Variants in HEPH observed in about 807,000 individuals in gnomAD.
HEPH encodes hephaestin.
Under a neutral mutation model 80.8 loss-of-function variants are expected in HEPH, and 69 were observed. The ratio of observed to expected loss-of-function variants is 0.85; its 90% CI spans 0.70 to 1.04. HEPH has a LOEUF of 1.04. Among genes scored for constraint, HEPH ranks in the 50% least tolerant of loss-of-function variants. HEPH has a pLI of 0.00. For missense variants in HEPH, 1,115 were observed against 891.3 expected (o/e 1.25, Z -3.20); for synonymous variants, 431 against 322.8 (o/e 1.34, Z -3.60).
chrX:66,266,756 C>T lies in HEPH; in HGVS notation c.*84C>T. 1 of 584,797 alleles carries T rather than the reference C, an allele frequency of 1.7e-6. No individual in the cohort carries two copies. The highest frequency in any genetic ancestry group is 2.8e-6 in the Non-Finnish European group (1 of 358,349). 48.2% of individuals were successfully genotyped at this position (584,797 alleles called of 1,213,427 possible). A position where few individuals can be genotyped will look rare whatever the true frequency, so the allele number is the denominator to read the frequency against. On this transcript the variant is annotated 3_prime_UTR_variant, in exon 21 of 21. Coordinates refer to ENST00000343002, the MANE Select transcript of HEPH (RefSeq NM_001367233.3). Reference sequence around the variant, plus strand: ...ATGGACTAGTCACTAACCCCACACTCAAAGGGGCATGGGTGGTGGAGAAGC... The same window carrying T: ...ATGGACTAGTCACTAACCCCACACTTAAAGGGGCATGGGTGGTGGAGAAGC...
At chrX:66,173,385 T>C (rs2086670440) in intron 3 of HEPH, among the ~76,000 whole-genome samples, 1 of 112,107 alleles carries the variant, frequency 8.9e-6, no homozygotes, top group South Asian at 3.7e-4. Flanking sequence ...CACCCATTGT[T>C]AATGTGAGGA....
At position 66,189,788 on chromosome X, in the gene HEPH, A is replaced by G. The variant is rs148747985; in HGVS notation, c.913A>G (p.Thr305Ala). Residue 305 changes from threonine to alanine, a missense_variant, in exon 6 of 21, where the codon ACA (threonine) becomes GCA (alanine). Around this residue, in one of 3 missense-constraint regions of HEPH, gnomAD observed 391 missense variants for 343.6 expected, o/e 1.14. Transcript: ENST00000343002. ...CATGGGCAATGAAATTGATGTCCAC[A>G]CAGCATTTTTCCATGGACAGATGCT... ...FGMGNEIDVH[T>A]AFFHGQMLTT... 3.3e-6 allele frequency: 4 copies of G among 1,209,143 alleles called. No individual in the cohort carries two copies. Among genetic ancestry groups the G allele is most frequent in the Non-Finnish European group, 4.5e-6 (4 of 895,059 alleles).
At chrX:66,225,751 G>A (rs2089857798) in intron 15 of HEPH, among the ~76,000 whole-genome samples, 1 of 112,750 alleles carries the variant, frequency 8.9e-6, no homozygotes, top group Admixed American at 9.3e-5. Flanking sequence ...TCCCCCGCAG[G>A]GATGCTCCAC....
intron 15 of HEPH, among the ~76,000 whole-genome samples, chrX:66,243,468 T>C (rs1427335660): frequency 1.8e-5 from 2 of 112,813 alleles, no homozygotes; most frequent in Non-Finnish European, 3.8e-5. Flanking sequence ...GTCTGTTTTG[T>C]CTGAAATTGG....
In HEPH at chrX:66,231,247, C is replaced by T. The variant is rs941307423; in HGVS notation, c.2563+23001C>T. 3.7e-5 allele frequency among the ~76,000 whole-genome samples: 4 copies of T among 109,127 alleles called. No individual in the cohort carries two copies. In the East Asian group the frequency reaches 1.1e-3, roughly 31 times the overall value. 94.8% of individuals were successfully genotyped at this position (109,127 alleles called of 115,157 possible). ...CTTTGTTCTTTTGGCTTAGGATTGA[C>T]TTGGTGATGCGGGCTCTTTTTTGGT... On this transcript the variant is annotated intron_variant, in intron 15 of 20. Coordinates refer to ENST00000343002, the MANE Select transcript of HEPH (RefSeq NM_001367233.3).
intron 15 of HEPH, among the ~76,000 whole-genome samples, chrX:66,247,524 A>G (rs2090857594): frequency 9.0e-6 from 1 of 110,537 alleles, no homozygotes; most frequent in South Asian, 3.8e-4. Flanking sequence ...TTTTATTTCC[A>G]TATCTTTATT....
At chrX:66,207,069 GT>G in intron 13 of HEPH, 125 bp from the exon 14 acceptor site, 2 of 444,291 alleles carry the variant, frequency 4.5e-6, no homozygotes, top group Non-Finnish European at 3.5e-6. Context: ...AAAGAAATAG[GT>G]CCCCCCCCTT....
intron 2 of HEPH, among the ~76,000 whole-genome samples, chrX:66,171,788 C>T (rs749522641): frequency 1.3e-3 from 126 of 97,479 alleles, no homozygotes; most frequent in African/African-American, 5.4e-3. Context: ...CTAAGCTCTT[C>T]GTGTATTTGA....
intron 4 of HEPH, among the ~76,000 whole-genome samples, chrX:66,179,616 T>G (rs1470522336): frequency 3.6e-5 from 4 of 111,696 alleles, no homozygotes; most frequent in African/African-American, 1.3e-4. Flanking sequence ...GTTTCTTTGT[T>G]GACTTTCTGT....
intron 13 of HEPH, 106 bp from the exon 14 acceptor site, chrX:66,207,089 C>A: frequency 3.5e-4 from 141 of 407,358 alleles, no homozygotes; most frequent in Middle Eastern, 1.1e-3. Context: ...TTTTTTTTTT[C>A]TGTCTGTGAC....
At chrX:66,231,880 T>A (rs1157512315) in intron 15 of HEPH, among the ~76,000 whole-genome samples, 1 of 109,462 alleles carries the variant, frequency 9.1e-6, no homozygotes, top group East Asian at 2.8e-4. Flanking sequence ...ATGCTTCCAG[T>A]TTTTTCCCAT....
At chrX:66,211,586 G>A (rs919592893) in intron 15 of HEPH, among the ~76,000 whole-genome samples, 1 of 111,438 alleles carries the variant, frequency 9.0e-6, no homozygotes. Context: ...GTGAGAAAAT[G>A]CAATGTTTGT....
chrX:66,262,985 A>G (rs2091415825), intron 19 of HEPH, among the ~76,000 whole-genome samples: 1 of 110,921 alleles, frequency 9.0e-6, no homozygotes, highest in African/African-American at 3.3e-5. Flanking sequence ...AAGGGCTAGA[A>G]ACTGTGAGGC....
chrX:66,193,669 T>G, intron 8 of HEPH, 31 bp downstream of exon 8: 1 of 1,128,452 alleles, frequency 8.9e-7, no homozygotes, highest in African/African-American at 1.8e-5. Flanking sequence ...GAAATTCATT[T>G]ACTAGAGCCA....
chrX:66,168,320 C>A (rs1454191558), intron 1 of HEPH, among the ~76,000 whole-genome samples: 1 of 112,121 alleles, frequency 8.9e-6, no homozygotes, highest in Non-Finnish European at 1.9e-5. Flanking sequence ...AAGAGGAAGG[C>A]AACCAGTAGT....
intron 15 of HEPH, among the ~76,000 whole-genome samples, chrX:66,243,025 G>A (rs2090662346): frequency 9.0e-6 from 1 of 111,630 alleles, no homozygotes; most frequent in Non-Finnish European, 1.9e-5. Context: ...TATAACCAAG[G>A]AAATACAAAT....
chrX:66,197,968 C>T, intron 10 of HEPH, 74 bp downstream of exon 10: 2 of 892,569 alleles, frequency 2.2e-6, no homozygotes, highest in Non-Finnish European at 3.2e-6. Context: ...AGGAGTTAAG[C>T]ATGGAACTGG....
chrX:66,214,839 CTGTTA>C (rs760440286), intron 15 of HEPH, among the ~76,000 whole-genome samples: 16 of 110,912 alleles, frequency 1.4e-4, no homozygotes, highest in African/African-American at 4.6e-4. Context: ...CCAATCTATT[CTGTTA>C]TATTTGTCAA....
At chrX:66,216,973 A>C (rs1217025109) in intron 15 of HEPH, among the ~76,000 whole-genome samples, 3 of 111,510 alleles carry the variant, frequency 2.7e-5, no homozygotes, top group African/African-American at 9.8e-5. Flanking sequence ...AATTAACTCA[A>C]TCCAACAAAG....
Sources: allele counts gnomAD v4.1 joint callset (sites outside exome capture counted in the v4.1 genomes callset), GRCh38; gene constraint gnomAD v4.1.1; regional missense constraint gnomAD v4.1.1; transcripts MANE v1.5; gene names NCBI Gene and HGNC (gene_info 2026-07-23, HGNC 2026-07-21).